The following TOM1L2 variants were observed in gnomAD, a reference collection of about 807,000 sequenced individuals.
TOM1L2 encodes the protein target of myb1 like 2 membrane trafficking protein.
A neutral mutation model predicts 67.9 loss-of-function variants in TOM1L2; 31 were observed. That is an observed-to-expected ratio of 0.46 (90% CI 0.34 to 0.62). TOM1L2 has a LOEUF of 0.62. TOM1L2 is among the 20% of genes least tolerant of loss of function. TOM1L2 has a pLI of 0.01. For synonymous variants in TOM1L2, 256 were observed against 254.0 expected, an observed-to-expected ratio of 1.01 and a Z score of -0.07; for missense variants, 606 against 663.5, an observed-to-expected ratio of 0.91 and a Z score of 0.95.
intron 2 of TOM1L2, among the ~76,000 whole-genome samples, chr17:17,905,831 T>C (rs937287364): frequency 6.6e-6 from 1 of 152,136 alleles, no homozygotes; most frequent in South Asian, 2.1e-4. Flanking sequence ...TCCAAAAAGG[T>C]TGAAGCCAGA....
chr17:17,949,635 C>T (rs1437608657), intron 1 of TOM1L2, among the ~76,000 whole-genome samples: 6 of 152,166 alleles, frequency 3.9e-5, no homozygotes, highest in Admixed American at 3.9e-4. Flanking sequence ...GCAGAATCTC[C>T]CACATAAGCG....
intron 1 of TOM1L2, among the ~76,000 whole-genome samples, chr17:17,927,295 C>T (rs1314307326): frequency 6.6e-6 from 1 of 152,216 alleles, no homozygotes; most frequent in African/African-American, 2.4e-5. Context: ...TAAAGCAGCA[C>T]AGCTGGGTTT....
intron 1 of TOM1L2, among the ~76,000 whole-genome samples, chr17:17,945,580 C>T (rs1053963644): frequency 6.6e-6 from 1 of 152,148 alleles, no homozygotes; most frequent in African/African-American, 2.4e-5. Context: ...ATTAAACTTC[C>T]TTATCACATA....
intron 7 of TOM1L2, among the ~76,000 whole-genome samples, chr17:17,878,512 G>A (rs996043305): frequency 3.9e-5 from 6 of 152,120 alleles, no homozygotes; most frequent in Admixed American, 6.5e-5. Flanking sequence ...CATAAGAGCC[G>A]ATGGCTTTGG....
intron 2 of TOM1L2, among the ~76,000 whole-genome samples, chr17:17,903,060 A>G (rs922377169): frequency 1.3e-5 from 2 of 152,040 alleles, no homozygotes; most frequent in African/African-American, 4.8e-5. Context: ...GGCACTCTGT[A>G]AGACTCCAGT....
intron 1 of TOM1L2, among the ~76,000 whole-genome samples, chr17:17,949,834 TTCTC>T (rs10553875): frequency 0.46 from 69,214 of 151,674 alleles, 16,480 homozygotes; most frequent in East Asian, 0.84. Flanking sequence ...ACTGAATCTG[TTCTC>T]TCTCTCTATT....
chr17:17,867,425 G>A (rs2036915363), intron 8 of TOM1L2, among the ~76,000 whole-genome samples: 1 of 152,172 alleles, frequency 6.6e-6, no homozygotes, highest in South Asian at 2.1e-4. Context: ...CTCGCCAGTA[G>A]CTGCTACAGA....
At chr17:17,857,984 T>A in intron 12 of TOM1L2, 1 of 784,772 alleles carries the variant, frequency 1.3e-6, no homozygotes, top group Non-Finnish European at 2.1e-6. Context: ...GCTCCCAACC[T>A]CCACCCCAGC....
At chr17:17,858,721 T>G (rs1409728061) in intron 12 of TOM1L2, 2 of 152,364 alleles carry the variant, frequency 1.3e-5, no homozygotes, top group Non-Finnish European at 2.9e-5. Flanking sequence ...TAGCTGGGAT[T>G]ACAAGCATGC....
intron 4 of TOM1L2, among the ~76,000 whole-genome samples, chr17:17,885,893 C>T (rs1173527568): frequency 7.0e-6 from 1 of 142,022 alleles, no homozygotes; most frequent in East Asian, 2.0e-4. Context: ...CCACTGCACT[C>T]CAGCATGGGC....
At chr17:17,854,084 T>A (rs1156883683) in intron 12 of TOM1L2, among the ~76,000 whole-genome samples, 2 of 152,220 alleles carry the variant, frequency 1.3e-5, no homozygotes, top group African/African-American at 4.8e-5. Context: ...TAAGCTTATA[T>A]AACGTAAGCT....
chr17:17,850,378 G>T (rs1433688028), intron 13 of TOM1L2, among the ~76,000 whole-genome samples: 4 of 152,090 alleles, frequency 2.6e-5, no homozygotes, highest in Non-Finnish European at 5.9e-5. Flanking sequence ...TGGAGACAAT[G>T]GGTCTTTGGG....
intron 1 of TOM1L2, among the ~76,000 whole-genome samples, chr17:17,908,328 G>GT: frequency 6.6e-6 from 1 of 152,260 alleles, no homozygotes; most frequent in East Asian, 1.9e-4. Context: ...AGACATAAAT[G>GT]TAAGAGCTCA....
intron 1 of TOM1L2, among the ~76,000 whole-genome samples, chr17:17,955,767 C>T (rs1247358815): frequency 8.5e-5 from 13 of 152,166 alleles, no homozygotes; most frequent in Admixed American, 8.5e-4. Flanking sequence ...GTTAGTTTTA[C>T]AGTTCTTAAA....
chr17:17,879,533 C>T lies in TOM1L2; in HGVS notation c.777+94G>A, dbSNP rs147187584. The T allele has an allele frequency of 3.0e-3, 2,895 of 977,722 alleles. 58 individuals carry two copies. In the African/African-American group the frequency reaches 0.04, roughly 13 times the overall value. The allele number at this position is 977,722 out of a possible 1,614,324, so 60.6% of individuals were successfully genotyped here. ...CAACAACAGGGCCACTGGACCTGTCCCGCCTTGCCGCTGTGTCCCCGGGTG... is the reference window on the plus strand; with the variant it reads ...CAACAACAGGGCCACTGGACCTGTCTCGCCTTGCCGCTGTGTCCCCGGGTG... On this transcript the variant is annotated intron_variant, in intron 7 of 14. Transcript: ENST00000379504.
intron 5 of TOM1L2, among the ~76,000 whole-genome samples, chr17:17,884,278 G>A (rs778179861): frequency 6.6e-6 from 1 of 152,160 alleles, no homozygotes; most frequent in Non-Finnish European, 1.5e-5. Context: ...CAAGCCCTGA[G>A]GTGCTATGGT....
intron 2 of TOM1L2, among the ~76,000 whole-genome samples, chr17:17,900,493 GC>G: frequency 1.4e-5 from 2 of 145,236 alleles, no homozygotes; most frequent in East Asian, 4.0e-4. Context: ...CTGCACTCCA[GC>G]CTGGGTGACA....
chr17:17,952,671 A>C lies in TOM1L2; in HGVS notation c.52+19591T>G, dbSNP rs2041261040. Among the ~76,000 whole-genome samples, 3 of 152,092 alleles carry C rather than the reference A, an allele frequency of 2.0e-5. No homozygotes were observed. In the East Asian group the frequency reaches 5.8e-4, roughly 29 times the overall value. On this transcript the variant is annotated intron_variant, in intron 1 of 14. Transcript: ENST00000379504. ...CAGCCTCCCAAAGTGCTGGGATTACAGGTGTGAGCCACCACACCCAGCCTA... is the reference window on the plus strand; with the variant it reads ...CAGCCTCCCAAAGTGCTGGGATTACCGGTGTGAGCCACCACACCCAGCCTA...
intron 1 of TOM1L2, among the ~76,000 whole-genome samples, chr17:17,926,530 T>C (rs80347931): frequency 0.017 from 2,638 of 152,252 alleles, 39 homozygotes; most frequent in Non-Finnish European, 0.03. Flanking sequence ...GTCACGAATA[T>C]CAACAGTGAG....
Sources: gnomAD v4.1 joint callset for allele counts (sites outside exome capture counted in the v4.1 genomes callset) on GRCh38, gnomAD v4.1.1 for gene constraint, MANE v1.5 for transcripts, NCBI Gene and HGNC (gene_info 2026-07-23, HGNC 2026-07-21) for gene names.